Variants in PPP1CB observed in about 807,000 individuals in gnomAD.
The protein encoded by PPP1CB is protein phosphatase 1 catalytic subunit beta.
In PPP1CB, 2 loss-of-function variants were observed where a neutral mutation model predicts 43.7. The observed-to-expected ratio is 0.05, with a 90% CI of 0.02 to 0.14. PPP1CB has a LOEUF of 0.14. Ranked by LOEUF, PPP1CB falls within the 10% of genes least tolerant of loss-of-function variation. The pLI is 1.00. For missense variants in PPP1CB, 84 were observed against 398.0 expected, an observed-to-expected ratio of 0.21 and a Z score of 6.71; for synonymous variants, 136 against 135.6, an observed-to-expected ratio of 1.00 and a Z score of -0.02.
At chr2:28,763,460 A>AAG (rs1248727136) in intron 1 of PPP1CB, among the ~76,000 whole-genome samples, 1 of 151,782 alleles carries the variant, frequency 6.6e-6, no homozygotes, top group Non-Finnish European at 1.5e-5. Context: ...GGAAAAAAAA[A>AAG]AAGTCCTTTA....
At chr2:28,788,309 T>G (rs934119312) in intron 5 of PPP1CB, among the ~76,000 whole-genome samples, 2 of 152,212 alleles carry the variant, frequency 1.3e-5, no homozygotes, top group Non-Finnish European at 2.9e-5. Flanking sequence ...GATGAACTGT[T>G]GAGGAAATAC....
At chr2:28,761,585 G>T (rs1303452288) in intron 1 of PPP1CB, among the ~76,000 whole-genome samples, 1 of 152,184 alleles carries the variant, frequency 6.6e-6, no homozygotes, top group Non-Finnish European at 1.5e-5. Flanking sequence ...CTGAGTCCTG[G>T]AACTTCCCCA....
intron 6 of PPP1CB, among the ~76,000 whole-genome samples, chr2:28,793,308 G>T (rs1169710329): frequency 4.6e-5 from 7 of 152,164 alleles, no homozygotes; most frequent in African/African-American, 1.7e-4. Context: ...TCAGTGTGTA[G>T]CCAGTAGTGT....
intron 3 of PPP1CB, among the ~76,000 whole-genome samples, chr2:28,780,598 T>C (rs954226888): frequency 6.6e-6 from 1 of 152,164 alleles, no homozygotes; most frequent in Non-Finnish European, 1.5e-5. Context: ...AGAATGTCTT[T>C]GGGGATAGAA....
At chr2:28,796,023 T>G (rs6547880) in intron 7 of PPP1CB, among the ~76,000 whole-genome samples, 1 of 151,938 alleles carries the variant, frequency 6.6e-6, no homozygotes, top group African/African-American at 2.4e-5. Flanking sequence ...GCCAGTTATC[T>G]TAGCACCATT....
chr2:28,789,882 C>T (rs1009702999), intron 6 of PPP1CB, among the ~76,000 whole-genome samples: 1 of 152,048 alleles, frequency 6.6e-6, no homozygotes, highest in Admixed American at 6.6e-5. Context: ...CAGGCGTGAG[C>T]GTGAACCACT....
At chr2:28,759,168 A>G (rs1666579772) in intron 1 of PPP1CB, among the ~76,000 whole-genome samples, 1 of 152,172 alleles carries the variant, frequency 6.6e-6, no homozygotes, top group African/African-American at 2.4e-5. Flanking sequence ...AGTGCAATGC[A>G]TTACTCTTGT....
intron 1 of PPP1CB, among the ~76,000 whole-genome samples, chr2:28,775,283 A>G (rs1667012084): frequency 6.6e-6 from 1 of 151,958 alleles, no homozygotes; most frequent in Admixed American, 6.6e-5. Context: ...AATTTTTTGT[A>G]TTTTGGGTAG....
intron 1 of PPP1CB, among the ~76,000 whole-genome samples, chr2:28,755,446 C>T (rs1045918267): frequency 6.6e-6 from 1 of 152,162 alleles, no homozygotes; most frequent in Non-Finnish European, 1.5e-5. Context: ...CATATTCTTT[C>T]GGTATGTTTT....
intron 3 of PPP1CB, among the ~76,000 whole-genome samples, chr2:28,781,056 A>G (rs1667149654): frequency 6.6e-6 from 1 of 152,186 alleles, no homozygotes; most frequent in South Asian, 2.1e-4. Context: ...GTATTTAACT[A>G]GTCCACACAC....
At chr2:28,767,438 G>T (rs1474157858) in intron 1 of PPP1CB, among the ~76,000 whole-genome samples, 1 of 151,728 alleles carries the variant, frequency 6.6e-6, no homozygotes, top group African/African-American at 2.4e-5. Context: ...ACTTTATTGT[G>T]TCTTAAAAAC....
At chr2:28,794,018 T>C (rs890837882) in intron 7 of PPP1CB, 21 bp downstream of exon 7, 4 of 1,563,520 alleles carry the variant, frequency 2.6e-6, no homozygotes, top group South Asian at 1.2e-5. Context: ...AACATAAATA[T>C]ATAAGAACTA....
At chr2:28,791,606 G>A (rs896645086) in intron 6 of PPP1CB, among the ~76,000 whole-genome samples, 44 of 152,182 alleles carry the variant, frequency 2.9e-4, no homozygotes, top group African/African-American at 1.0e-3. Context: ...GGGATTATAG[G>A]CACGAGCCAC....
intron 1 of PPP1CB, among the ~76,000 whole-genome samples, chr2:28,761,528 A>G (rs1285069385): frequency 6.6e-6 from 1 of 152,230 alleles, no homozygotes; most frequent in East Asian, 1.9e-4. Flanking sequence ...ATTATTGCTT[A>G]GTACAAACCT....
At chr2:28,793,476 C>T (rs1667429240) in intron 6 of PPP1CB, among the ~76,000 whole-genome samples, 1 of 152,116 alleles carries the variant, frequency 6.6e-6, no homozygotes, top group Non-Finnish European at 1.5e-5. Flanking sequence ...TGATGTCCCT[C>T]TGAAAAACAC....
In PPP1CB at chr2:28,776,749, C is replaced by CT. The variant is rs569235391; in HGVS notation, c.53-101dup. The CT allele has an allele frequency of 7.2e-4, 763 of 1,054,712 alleles. 7 individuals are homozygous for CT. The South Asian group carries it at 0.012, about 17-fold the overall frequency. The allele number at this position is 1,054,712 out of a possible 1,614,324, so 65.3% of individuals were successfully genotyped here. A position where few individuals can be genotyped will look rare whatever the true frequency, so the allele number is the denominator to read the frequency against. On this transcript the variant is annotated intron_variant, in intron 1 of 7. Transcript: ENST00000395366. ...GGGACCAAATAGGGTAATTTGCTGCCTGTGTGACTTTTCTGATTTTTAAAG... is the reference window on the plus strand; with the variant it reads ...GGGACCAAATAGGGTAATTTGCTGCCTTGTGTGACTTTTCTGATTTTTAAAG...
rs1008902801 is a variant in PPP1CB at position 28,752,231 on chromosome 2, C to T, written c.52+55C>T. 140 of 1,456,550 alleles carry T rather than the reference C, an allele frequency of 9.6e-5. 2 individuals are homozygous for T. The highest frequency in any genetic ancestry group is 3.7e-4 in the Admixed American group (17 of 45,818). The allele number at this position is 1,456,550 out of a possible 1,614,324, so 90.2% of individuals were successfully genotyped here. ...GGAGGTCGGGCACCGCCGCCGACCC[C>T]TGCGTCCCCGTCTGCCGCCGGAACG... On this transcript the variant is annotated intron_variant, in intron 1 of 7. Coordinates refer to ENST00000395366, the MANE Select transcript of PPP1CB (RefSeq NM_002709.3).
rs182023061 is a variant in PPP1CB, at chr2:28,764,105, A to G, written c.52+11929A>G. 5.9e-5 allele frequency among the ~76,000 whole-genome samples: 9 copies of G among 152,188 alleles called. No homozygotes were observed. In the East Asian group the frequency reaches 1.7e-3, roughly 29 times the overall value. On this transcript the variant is annotated intron_variant, in intron 1 of 7. Transcript: ENST00000395366. ...GTGTGTGTGTTGTGTGCATAGAGAA[A>G]GATGGGGAGGAAAGGAAGACAGAGT...
At chr2:28,794,721 A>G (rs1291269449) in intron 7 of PPP1CB, among the ~76,000 whole-genome samples, 2 of 152,198 alleles carry the variant, frequency 1.3e-5, no homozygotes, top group Admixed American at 6.5e-5. Flanking sequence ...AGGAAAAAAA[A>G]CTTTCAAAAT....
Sources: gnomAD v4.1 joint callset for allele counts (sites outside exome capture counted in the v4.1 genomes callset) on GRCh38, gnomAD v4.1.1 for gene constraint, MANE v1.5 for transcripts, NCBI Gene and HGNC (gene_info 2026-07-23, HGNC 2026-07-21) for gene names.